The following CSRNP3 variants were observed in gnomAD, a reference collection of about 807,000 sequenced individuals.
CSRNP3 encodes cysteine and serine rich nuclear protein 3, also known as cysteine/serine-rich nuclear protein 3.
Under a neutral mutation model 48.0 loss-of-function variants are expected in CSRNP3, and 12 were observed. That is an observed-to-expected ratio of 0.25 (90% CI 0.16 to 0.41). The LOEUF (loss-of-function observed/expected upper bound fraction) is 0.41, where lower values mean the gene tolerates loss of function less well. CSRNP3 is among the 10% of genes least tolerant of loss of function. The probability of loss-of-function intolerance (pLI) is 1.00; values close to 1 mark genes in which losing one functional copy is unlikely to be tolerated. For missense variants in CSRNP3, 580 were observed against 724.4 expected, an observed-to-expected ratio of 0.80 and a Z score of 2.29; for synonymous variants, 263 against 269.7, an observed-to-expected ratio of 0.98 and a Z score of 0.24.
At chr2:165,659,705 G>GA (rs1413923909) in intron 5 of CSRNP3, among the ~76,000 whole-genome samples, 3 of 152,122 alleles carry the variant, frequency 2.0e-5, no homozygotes, top group Non-Finnish European at 4.4e-5. Flanking sequence ...TAATGACAAC[G>GA]AAAATCTTTC....
At chr2:165,498,402 T>A (rs1279321081) in intron 2 of CSRNP3, among the ~76,000 whole-genome samples, 1 of 152,084 alleles carries the variant, frequency 6.6e-6, no homozygotes, top group African/African-American at 2.4e-5. Flanking sequence ...TATCTTTCTA[T>A]CTCTTGAACT....
rs1573969161 is a variant in CSRNP3, at chr2:165,684,234, GA to G, written c.*4482del. 1 of 152,098 alleles carries G rather than the reference GA, an allele frequency of 6.6e-6. No homozygotes were observed. The highest frequency in any genetic ancestry group is 1.5e-5 in the Non-Finnish European group (1 of 67,978). The allele number at this position is 152,098 out of a possible 1,614,324, so 9.4% of individuals were successfully genotyped here. On this transcript the variant is annotated 3_prime_UTR_variant, in exon 7 of 7. Coordinates refer to ENST00000651982, the MANE Select transcript of CSRNP3 (RefSeq NM_001172173.2). ...CAGGTGGAAAACAGAGAGGTTGTTA[GA>G]CTCCATCACTTTCAGCTGGAGTTAC... is the stretch of plus-strand genomic sequence containing the variant.
At chr2:165,574,906 T>C (rs951745847) in intron 3 of CSRNP3, among the ~76,000 whole-genome samples, 4 of 152,190 alleles carry the variant, frequency 2.6e-5, no homozygotes, top group Non-Finnish European at 4.4e-5. Context: ...TTCATTCCAT[T>C]TGAAGGGTTT....
At chr2:165,574,520 C>A in intron 3 of CSRNP3, 3 of 811,862 alleles carry the variant, frequency 3.7e-6, no homozygotes, top group Non-Finnish European at 3.8e-6. Context: ...TGGCAATTGG[C>A]AGGGTGTTCC....
chr2:165,519,249 AG>A (rs575464503), intron 3 of CSRNP3, among the ~76,000 whole-genome samples: 206 of 151,832 alleles, frequency 1.4e-3, no homozygotes, highest in Non-Finnish European at 2.4e-3. Context: ...ACCTATGAAA[AG>A]AGCAAAGGTG....
At chr2:165,624,989 C>A (rs1686405969) in intron 4 of CSRNP3, among the ~76,000 whole-genome samples, 1 of 152,084 alleles carries the variant, frequency 6.6e-6, no homozygotes, top group African/African-American at 2.4e-5. Context: ...CATCACACTG[C>A]CCCTCAGATA....
Position 165,681,495 on chromosome 2 carries a change from C to T in CSRNP3, c.*1742C>T, listed in dbSNP as rs1687537787. On this transcript the variant is annotated 3_prime_UTR_variant, in exon 7 of 7. Coordinates refer to ENST00000651982, the MANE Select transcript of CSRNP3 (RefSeq NM_001172173.2). ...CTCCAGTGGAAAAGTTTCTACTAAA[C>T]TTTGTTTTGGGGAAAAAATGTTTAC... The T allele has an allele frequency of 6.6e-6, 1 of 151,652 alleles. No homozygotes were observed. The highest frequency in any genetic ancestry group is 1.5e-5 in the Non-Finnish European group (1 of 67,936). The allele number at this position is 151,652 out of a possible 1,614,324, so 9.4% of individuals were successfully genotyped here.
chr2:165,494,669 T>C (rs1002407440), intron 1 of CSRNP3, 90 bp from the exon 2 acceptor site: 2 of 154,116 alleles, frequency 1.3e-5, no homozygotes, highest in Non-Finnish European at 2.9e-5. Context: ...GGTTCAAAAA[T>C]TTACAGCCCC....
chr2:165,575,120 A>AT (rs1165683736), intron 3 of CSRNP3, among the ~76,000 whole-genome samples: 2 of 152,164 alleles, frequency 1.3e-5, no homozygotes, highest in Admixed American at 6.5e-5. Context: ...TCTGCATTGT[A>AT]AAGGGATCCT....
chr2:165,519,445 G>A (rs1409160230), intron 3 of CSRNP3, among the ~76,000 whole-genome samples: 1 of 152,150 alleles, frequency 6.6e-6, no homozygotes, highest in African/African-American at 2.4e-5. Context: ...TGAAATGGGT[G>A]GGAATGCAGA....
At chr2:165,520,773 TATATATATA>T (rs1684642556) in intron 3 of CSRNP3, among the ~76,000 whole-genome samples, 14 of 58,490 alleles carry the variant, frequency 2.4e-4, no homozygotes, top group African/African-American at 8.7e-4. Context: ...AAATATATTA[TATATATATA>T]TTATATATAT....
chr2:165,597,864 T>C (rs192892598), intron 4 of CSRNP3, among the ~76,000 whole-genome samples: 59 of 152,272 alleles, frequency 3.9e-4, no homozygotes, highest in African/African-American at 1.3e-3. Context: ...ATTTCATTAG[T>C]ATGAAATCAC....
chr2:165,498,713 C>T (rs1684313811), intron 2 of CSRNP3, among the ~76,000 whole-genome samples: 1 of 152,114 alleles, frequency 6.6e-6, no homozygotes, highest in Admixed American at 6.6e-5. Flanking sequence ...TCTCAAGTAG[C>T]TGTCATGAAA....
intron 5 of CSRNP3, 63 bp downstream of exon 5, chr2:165,658,083 C>T (rs756203845): frequency 1.2e-4 from 182 of 1,532,714 alleles, no homozygotes; most frequent in Non-Finnish European, 1.5e-4. Flanking sequence ...TTGAGTTAAC[C>T]ATTTTCATAT....
intron 3 of CSRNP3, among the ~76,000 whole-genome samples, chr2:165,574,767 A>C (rs1019542212): frequency 5.3e-5 from 8 of 152,186 alleles, no homozygotes; most frequent in Non-Finnish European, 1.0e-4. Context: ...ACATTTTTTA[A>C]AGAAATGTAT....
intron 3 of CSRNP3, among the ~76,000 whole-genome samples, chr2:165,581,463 C>T (rs979191013): frequency 1.3e-5 from 2 of 152,064 alleles, no homozygotes; most frequent in East Asian, 1.9e-4. Context: ...TGGCTTTTGT[C>T]ATTTATTCTC....
intron 1 of CSRNP3, among the ~76,000 whole-genome samples, chr2:165,477,017 C>T (rs1334778520): frequency 6.6e-6 from 1 of 151,898 alleles, no homozygotes; most frequent in African/African-American, 2.4e-5. Context: ...GGCTTTTTTT[C>T]CATATTAACT....
intron 3 of CSRNP3, chr2:165,574,532 G>T: frequency 1.5e-6 from 1 of 683,314 alleles, no homozygotes; most frequent in Non-Finnish European, 2.4e-6. Flanking sequence ...GGGTGTTCCT[G>T]GTTTTCAGGA....
intron 4 of CSRNP3, among the ~76,000 whole-genome samples, chr2:165,633,558 A>G (rs145247217): frequency 1.2e-3 from 180 of 152,264 alleles, no homozygotes; most frequent in African/African-American, 4.0e-3. Context: ...AAGAACTTCA[A>G]TCTCCCAGCT....
Sources: allele counts gnomAD v4.1 joint callset (sites outside exome capture counted in the v4.1 genomes callset), GRCh38; gene constraint gnomAD v4.1.1; transcripts MANE v1.5; gene names NCBI Gene and HGNC (gene_info 2026-07-23, HGNC 2026-07-21).